MAP3K5: variants seen among roughly 807,000 people sequenced by gnomAD.
MAP3K5 encodes mitogen-activated protein kinase kinase kinase 5, also known as ASK-1.
A neutral mutation model predicts 158.7 loss-of-function variants in MAP3K5; 56 were observed. The observed-to-expected ratio is 0.35, with a 90% CI of 0.28 to 0.44. The LOEUF (loss-of-function observed/expected upper bound fraction) is 0.44. Among genes scored for constraint, MAP3K5 ranks in the 20% least tolerant of loss-of-function variants. MAP3K5 has a pLI of 1.00. For missense variants in MAP3K5, 1,294 were observed against 1,674.8 expected, an observed-to-expected ratio of 0.77 and a Z score of 3.97; for synonymous variants, 579 against 601.7, an observed-to-expected ratio of 0.96 and a Z score of 0.55.
At chr6:136,739,192 T>C (rs1054622553) in intron 1 of MAP3K5, among the ~76,000 whole-genome samples, 3 of 152,074 alleles carry the variant, frequency 2.0e-5, no homozygotes, top group Non-Finnish European at 4.4e-5. Flanking sequence ...TAGAAGTAAA[T>C]GTGGCCTATC....
At chr6:136,760,057 C>T (rs1385566287) in intron 1 of MAP3K5, among the ~76,000 whole-genome samples, 1 of 152,118 alleles carries the variant, frequency 6.6e-6, no homozygotes, top group Non-Finnish European at 1.5e-5. Flanking sequence ...GAATCCTGTT[C>T]TTACAGACAT....
At chr6:136,589,728 C>T (rs1230065873) in intron 23 of MAP3K5, among the ~76,000 whole-genome samples, 1 of 152,056 alleles carries the variant, frequency 6.6e-6, no homozygotes, top group Non-Finnish European at 1.5e-5. Flanking sequence ...TGCAAGTGCA[C>T]CAGAAAAGGC....
intron 1 of MAP3K5, among the ~76,000 whole-genome samples, chr6:136,759,873 T>C (rs1783673532): frequency 6.6e-6 from 1 of 151,322 alleles, no homozygotes. Context: ...CATTAGTTCT[T>C]ATAGGTTTTG....
chr6:136,691,624 A>G (rs1254704911), intron 7 of MAP3K5, among the ~76,000 whole-genome samples: 4 of 148,404 alleles, frequency 2.7e-5, no homozygotes, highest in Non-Finnish European at 2.9e-5. Flanking sequence ...AAAAAAAAAA[A>G]AGTATTTAGA....
intron 1 of MAP3K5, among the ~76,000 whole-genome samples, chr6:136,735,388 T>C (rs990851882): frequency 6.6e-6 from 1 of 152,186 alleles, no homozygotes; most frequent in Non-Finnish European, 1.5e-5. Context: ...GGTTGGATTC[T>C]ACAAAAGTAA....
intron 1 of MAP3K5, among the ~76,000 whole-genome samples, chr6:136,763,985 T>C (rs1051705105): frequency 6.6e-6 from 1 of 152,184 alleles, no homozygotes; most frequent in Non-Finnish European, 1.5e-5. Flanking sequence ...CCCCTTGACC[T>C]TGGACTTCTC....
chr6:136,731,154 G>C (rs914383271), intron 1 of MAP3K5, among the ~76,000 whole-genome samples: 1 of 152,144 alleles, frequency 6.6e-6, no homozygotes, highest in African/African-American at 2.4e-5. Context: ...GGCTTGAAGG[G>C]GTCTTCTGGG....
intron 7 of MAP3K5, among the ~76,000 whole-genome samples, chr6:136,675,413 A>C (rs1037201805): frequency 6.6e-6 from 1 of 152,080 alleles, no homozygotes; most frequent in Non-Finnish European, 1.5e-5. Flanking sequence ...CTTCTCAACA[A>C]ATTTCAAAGG....
At chr6:136,574,013 C>T (rs532503370) in intron 25 of MAP3K5, among the ~76,000 whole-genome samples, 2 of 152,012 alleles carry the variant, frequency 1.3e-5, no homozygotes, top group South Asian at 4.2e-4. Flanking sequence ...TCACTGCAAC[C>T]TCCGCCTCCC....
intron 1 of MAP3K5, among the ~76,000 whole-genome samples, chr6:136,729,488 T>C (rs1562651738): frequency 6.6e-6 from 1 of 152,328 alleles, no homozygotes; most frequent in East Asian, 1.9e-4. Flanking sequence ...GGACAAGAAA[T>C]GCCCAGAGGA....
At position 136,791,852 on chromosome 6, in the gene MAP3K5, T is replaced by C. The variant is rs778325738; in HGVS notation, c.306A>G (p.Gln102=). The C allele has an allele frequency of 6.2e-7, 1 of 1,613,822 alleles. No individual in the cohort carries two copies. The highest frequency in any genetic ancestry group is 1.7e-5 in the Admixed American group (1 of 60,034). Reference sequence around the variant, plus strand: ...CGCTCTCGGCCACCACCAGTTGCCCTTGGCTCGCTTCGTTGATCACATATG... The same window carrying C: ...CGCTCTCGGCCACCACCAGTTGCCCCTGGCTCGCTTCGTTGATCACATATG... The part of the protein sequence containing the change: ...TVAYVINEAS[Q]GQLVVAESEA... The change falls in exon 1 of 30, where the codon CAA becomes CAG. Residue 102 remains glutamine (Q), a synonymous_variant. Transcript: ENST00000359015.
chr6:136,577,609 A>C (rs1774676441), intron 25 of MAP3K5, among the ~76,000 whole-genome samples: 1 of 152,202 alleles, frequency 6.6e-6, no homozygotes, highest in African/African-American at 2.4e-5. Context: ...GTGCAAGGAC[A>C]GCTCCCTCTC....
intron 1 of MAP3K5, among the ~76,000 whole-genome samples, chr6:136,768,293 T>C (rs957658786): frequency 1.7e-4 from 26 of 152,180 alleles, no homozygotes; most frequent in Non-Finnish European, 3.2e-4. Context: ...TAGAAAATAT[T>C]TGCAAATCAT....
At chr6:136,592,696 T>A (rs1341402026) in intron 21 of MAP3K5, 82 bp from the exon 22 acceptor site, 1 of 1,150,232 alleles carries the variant, frequency 8.7e-7, no homozygotes, top group East Asian at 2.4e-5. Flanking sequence ...AAAGAGGCCA[T>A]ATTCTTTGTC....
intron 1 of MAP3K5, among the ~76,000 whole-genome samples, chr6:136,724,325 T>C (rs1322076377): frequency 6.6e-6 from 1 of 151,040 alleles, no homozygotes; most frequent in South Asian, 2.1e-4. Context: ...CTCAGCTCAC[T>C]GCAACCTCCA....
intron 1 of MAP3K5, among the ~76,000 whole-genome samples, chr6:136,722,892 T>G (rs1042851175): frequency 7.2e-5 from 11 of 151,996 alleles, no homozygotes; most frequent in African/African-American, 2.4e-4. Flanking sequence ...ATCACTATGC[T>G]GCACGGGCTG....
Position 136,580,329 on chromosome 6 carries a change from T to C in MAP3K5, c.3489A>G (p.Val1163=). The part of the protein sequence containing the change: ...FALDSIIRKA[V]QTAITILVPE... ...GAACCAGGATGGTAATGGCTGTCTG[T>C]ACCGCCTTCCGAATGATACTGTCTA... is the stretch of plus-strand genomic sequence containing the variant. Residue 1163 remains valine, a synonymous_variant, in exon 25 of 30, where the codon GTA becomes GTG. Coordinates refer to ENST00000359015, the MANE Select transcript of MAP3K5 (RefSeq NM_005923.4). 3 of 1,613,548 alleles carry C rather than the reference T, an allele frequency of 1.9e-6. No homozygotes were observed. The highest frequency in any genetic ancestry group is 8.5e-7 in the Non-Finnish European group (1 of 1,179,446).
At chr6:136,637,741 G>A (rs964548644) in intron 13 of MAP3K5, among the ~76,000 whole-genome samples, 2 of 151,900 alleles carry the variant, frequency 1.3e-5, no homozygotes, top group African/African-American at 4.8e-5. Context: ...CCTGCTCGCT[G>A]TGACTAGGCC....
chr6:136,603,442 T>A (rs1236704549), intron 19 of MAP3K5, among the ~76,000 whole-genome samples: 1 of 151,466 alleles, frequency 6.6e-6, no homozygotes, highest in Non-Finnish European at 1.5e-5. Context: ...CCTCCCAAAG[T>A]GCTGGGATTA....
Sources: allele counts gnomAD v4.1 joint callset (sites outside exome capture counted in the v4.1 genomes callset), GRCh38; gene constraint gnomAD v4.1.1; transcripts MANE v1.5; gene names NCBI Gene and HGNC (gene_info 2026-07-23, HGNC 2026-07-21).